GLIS3: variants seen among roughly 807,000 people sequenced by gnomAD.
GLIS3 encodes zinc finger protein GLIS3.
In GLIS3, 53 loss-of-function variants were observed where a neutral mutation model predicts 78.6. The observed-to-expected ratio is 0.67, with a 90% CI of 0.54 to 0.85. GLIS3 has a LOEUF of 0.85. Among genes scored for constraint, GLIS3 ranks in the 40% least tolerant of loss-of-function variants. GLIS3 has a pLI of 0.00. For missense variants in GLIS3, 1,703 were observed against 1,231.1 expected (o/e 1.38, Z -5.74); for synonymous variants, 684 against 509.9 (o/e 1.34, Z -4.60).
At chr9:4,244,039 T>C (rs1164552924) in intron 2 of GLIS3, among the ~76,000 whole-genome samples, 1 of 152,214 alleles carries the variant, frequency 6.6e-6, no homozygotes, top group Admixed American at 6.6e-5. Flanking sequence ...TGCACATACG[T>C]GCATACAAAC....
chr9:4,183,095 G>A (rs1004062766), intron 2 of GLIS3, among the ~76,000 whole-genome samples: 3 of 152,180 alleles, frequency 2.0e-5, no homozygotes, highest in Non-Finnish European at 2.9e-5. Context: ...TATTTGGCCT[G>A]GAGAGGACTG....
intron 4 of GLIS3, among the ~76,000 whole-genome samples, chr9:4,050,386 G>A (rs573186762): frequency 1.6e-3 from 239 of 152,134 alleles, no homozygotes; most frequent in African/African-American, 5.2e-3. Context: ...TCACAGGTGG[G>A]AATTGAACAA....
intron 4 of GLIS3, among the ~76,000 whole-genome samples, chr9:4,117,121 T>G (rs1292185792): frequency 6.6e-6 from 1 of 152,200 alleles, no homozygotes; most frequent in Non-Finnish European, 1.5e-5. Flanking sequence ...CCCTGCTCTT[T>G]CTCCTCATAT....
At chr9:4,217,908 G>A (rs1820994488) in intron 2 of GLIS3, among the ~76,000 whole-genome samples, 1 of 152,180 alleles carries the variant, frequency 6.6e-6, no homozygotes, top group African/African-American at 2.4e-5. Context: ...TAAAATTAAT[G>A]CAAGATGAGG....
chr9:3,829,481 G>A lies in GLIS3; in HGVS notation c.2485C>T (p.Gln829Ter). The change falls in exon 10 of 11, where the codon CAG becomes TAG. Residue 829 changes from glutamine to a stop codon, truncating the protein, a stop_gained. Coordinates refer to ENST00000381971, the MANE Select transcript of GLIS3 (RefSeq NM_001042413.2). LOFTEE classifies it high-confidence loss of function. The stretch of plus-strand genomic sequence containing the variant: ...TGTGGGGGACAGAACTTCTGCAGCT[G>A]CCCATAAAATCCTGAAACGCAAGCA... ...NGIHVHGFYG[Q>*]LQKFCPPHYP... 6.2e-7 allele frequency: 1 copy of A among 1,614,080 alleles called. No individual in the cohort carries two copies. The highest frequency in any genetic ancestry group is 8.5e-7 in the Non-Finnish European group (1 of 1,179,996).
chr9:4,360,722 A>G, the GLIS3 span, among the ~76,000 whole-genome samples: 1 of 152,198 alleles, frequency 6.6e-6, no homozygotes, highest in African/African-American at 2.4e-5. Context: ...TGTTCTTAAA[A>G]TTGTGTTAGG....
At chr9:4,121,226 A>T (rs962761685) in intron 3 of GLIS3, among the ~76,000 whole-genome samples, 1 of 152,238 alleles carries the variant, frequency 6.6e-6, no homozygotes, top group African/African-American at 2.4e-5. Flanking sequence ...CTAATCCATG[A>T]CATCTCTCCC....
At chr9:4,428,579 G>A in the GLIS3 span, among the ~76,000 whole-genome samples, 1 of 151,630 alleles carries the variant, frequency 6.6e-6, no homozygotes, top group Non-Finnish European at 1.5e-5. Context: ...TGGTTTCAGA[G>A]GGCTAAAAAA....
the GLIS3 span, among the ~76,000 whole-genome samples, chr9:4,424,334 TAGAAGGAAC>T: frequency 6.6e-6 from 1 of 152,280 alleles, no homozygotes; most frequent in African/African-American, 2.4e-5. Flanking sequence ...ATTATGCAGT[TAGAAGGAAC>T]ACCTTTTAAG....
chr9:4,050,788 G>T (rs1179619438), intron 4 of GLIS3, among the ~76,000 whole-genome samples: 3 of 151,956 alleles, frequency 2.0e-5, no homozygotes. Context: ...GAAAGTCACT[G>T]GCATCACTTT....
At chr9:4,133,568 T>C (rs1205062958) in intron 2 of GLIS3, among the ~76,000 whole-genome samples, 1 of 152,082 alleles carries the variant, frequency 6.6e-6, no homozygotes, top group Admixed American at 6.5e-5. Flanking sequence ...CTGTGTGACC[T>C]TGGACAAGTT....
chr9:4,462,487 T>C, the GLIS3 span, among the ~76,000 whole-genome samples: 6 of 152,180 alleles, frequency 3.9e-5, no homozygotes, highest in Non-Finnish European at 7.4e-5. Context: ...GGAGCAGTAG[T>C]AGCTCATGCC....
chr9:3,861,005 G>A (rs1011573296), intron 8 of GLIS3, among the ~76,000 whole-genome samples: 10 of 152,260 alleles, frequency 6.6e-5, no homozygotes, highest in African/African-American at 2.2e-4. Context: ...AGCAAAGGGC[G>A]GGGTGGATTA....
intron 2 of GLIS3, among the ~76,000 whole-genome samples, chr9:4,283,918 C>G (rs1268128275): frequency 6.6e-6 from 1 of 152,180 alleles, no homozygotes; most frequent in Non-Finnish European, 1.5e-5. Context: ...GCCAACCATG[C>G]AGATCCAGGA....
At chr9:4,409,513 GTCAT>G in the GLIS3 span, among the ~76,000 whole-genome samples, 1 of 152,032 alleles carries the variant, frequency 6.6e-6, no homozygotes, top group South Asian at 2.1e-4. Context: ...AGTCTCCTAT[GTCAT>G]TCATTATCAG....
intron 4 of GLIS3, among the ~76,000 whole-genome samples, chr9:4,041,648 G>A (rs915720734): frequency 1.3e-5 from 2 of 152,252 alleles, no homozygotes; most frequent in South Asian, 2.1e-4. Flanking sequence ...AGTAACAAAT[G>A]TAAGATGGCA....
At chr9:4,046,475 T>C (rs1241341945) in intron 4 of GLIS3, among the ~76,000 whole-genome samples, 2 of 152,140 alleles carry the variant, frequency 1.3e-5, no homozygotes, top group African/African-American at 4.8e-5. Context: ...GAGAGATACA[T>C]GACTTAAGCA....
intron 4 of GLIS3, among the ~76,000 whole-genome samples, chr9:3,991,234 G>A (rs1820206250): frequency 6.6e-6 from 1 of 152,132 alleles, no homozygotes; most frequent in African/African-American, 2.4e-5. Flanking sequence ...TTGGAGATAA[G>A]TGTACAAATG....
At chr9:3,954,507 A>G (rs1408368421) in intron 4 of GLIS3, among the ~76,000 whole-genome samples, 2 of 152,248 alleles carry the variant, frequency 1.3e-5, no homozygotes, top group South Asian at 4.1e-4. Context: ...ACAAGGCAAA[A>G]GTACTTGGAT....
Sources: allele counts gnomAD v4.1 joint callset (sites outside exome capture counted in the v4.1 genomes callset), GRCh38; gene constraint gnomAD v4.1.1; transcripts MANE v1.5; gene names NCBI Gene and HGNC (gene_info 2026-07-23, HGNC 2026-07-21).